The following ZBTB7C variants were observed in gnomAD, a reference collection of about 807,000 sequenced individuals.
The protein encoded by ZBTB7C is zinc finger and BTB domain containing 7C, also known as zinc finger and BTB domain-containing protein 7C.
Under a neutral mutation model 25.7 loss-of-function variants are expected in ZBTB7C, and 8 were observed. That is an observed-to-expected ratio of 0.31 (90% CI 0.18 to 0.56). The LOEUF is 0.56. Ranked by LOEUF, ZBTB7C falls within the 20% of genes least tolerant of loss-of-function variation. The pLI, the probability that ZBTB7C is intolerant of heterozygous loss-of-function variation, is 0.91. For missense variants in ZBTB7C, 824 were observed against 855.2 expected (o/e 0.96, Z 0.46); for synonymous variants, 394 against 369.0 (o/e 1.07, Z -0.78).
chr18:48,274,144 T>C (rs1300768864), intron 2 of ZBTB7C, among the ~76,000 whole-genome samples: 1 of 152,206 alleles, frequency 6.6e-6, no homozygotes, highest in Non-Finnish European at 1.5e-5. Context: ...TTATGTGTGA[T>C]GGAATTGGGC....
chr18:48,371,317 T>G (rs1380668609), intron 1 of ZBTB7C, among the ~76,000 whole-genome samples: 1 of 152,176 alleles, frequency 6.6e-6, no homozygotes, highest in Non-Finnish European at 1.5e-5. Context: ...TGGACCCTCA[T>G]GATATTTTGT....
intron 3 of ZBTB7C, among the ~76,000 whole-genome samples, chr18:48,080,609 T>G (rs1441994679): frequency 6.6e-6 from 1 of 152,220 alleles, no homozygotes; most frequent in African/African-American, 2.4e-5. Context: ...GCACTTCCCC[T>G]TCAAGCTCTG....
At chr18:48,369,826 C>T (rs1220006947) in intron 1 of ZBTB7C, among the ~76,000 whole-genome samples, 8 of 152,098 alleles carry the variant, frequency 5.3e-5, no homozygotes, top group Admixed American at 5.2e-4. Flanking sequence ...ACTCTCACAA[C>T]AATTAATAAA....
rs913290825 is a variant in ZBTB7C, at chr18:48,060,072, G to A, written c.-16-18949C>T. 8.6e-5 allele frequency among the ~76,000 whole-genome samples: 13 copies of A among 151,654 alleles called. No homozygotes were observed. The East Asian group carries it at 1.5e-3, about 18-fold the overall frequency. On this transcript the variant is annotated intron_variant, in intron 3 of 4. Transcript: ENST00000590800. ...GCAGCTCTACCATTTTTTTTCGGCC[G>A]GGTGGGTGGAGGTGACCAAAGATAC...
At chr18:48,081,030 C>T (rs1008195945) in intron 3 of ZBTB7C, among the ~76,000 whole-genome samples, 3 of 152,258 alleles carry the variant, frequency 2.0e-5, no homozygotes, top group African/African-American at 4.8e-5. Flanking sequence ...CCATACAGCT[C>T]TCCCTGCAAA....
intron 3 of ZBTB7C, among the ~76,000 whole-genome samples, chr18:48,100,139 C>G (rs956631605): frequency 6.6e-6 from 1 of 152,198 alleles, no homozygotes; most frequent in Non-Finnish European, 1.5e-5. Context: ...CCAGGTTGTT[C>G]TCATCAAGTG....
intron 2 of ZBTB7C, among the ~76,000 whole-genome samples, chr18:48,316,128 A>T (rs184540836): frequency 1.3e-4 from 20 of 151,804 alleles, no homozygotes; most frequent in African/African-American, 4.6e-4. Flanking sequence ...TTAAAAGAAC[A>T]CTCCCTTCCT....
At chr18:48,343,135 C>T (rs2046644370) in intron 1 of ZBTB7C, among the ~76,000 whole-genome samples, 1 of 152,108 alleles carries the variant, frequency 6.6e-6, no homozygotes. Flanking sequence ...TGCTTGAGCT[C>T]TCTGGGCCTC....
At chr18:48,271,704 G>A (rs2044491384) in intron 2 of ZBTB7C, among the ~76,000 whole-genome samples, 1 of 151,728 alleles carries the variant, frequency 6.6e-6, no homozygotes, top group African/African-American at 2.4e-5. Flanking sequence ...CACATTATCA[G>A]ATTAAGAAGA....
intron 2 of ZBTB7C, among the ~76,000 whole-genome samples, chr18:48,302,741 T>A (rs910665406): frequency 2.0e-5 from 3 of 152,156 alleles, no homozygotes; most frequent in African/African-American, 7.2e-5. Flanking sequence ...CCAAAAACCA[T>A]AGTCCATAGT....
chr18:48,316,908 G>A (rs1009175712), intron 2 of ZBTB7C, among the ~76,000 whole-genome samples: 1 of 152,222 alleles, frequency 6.6e-6, no homozygotes, highest in South Asian at 2.1e-4. Flanking sequence ...ATGGGGATAT[G>A]TGTATCCATC....
intron 3 of ZBTB7C, among the ~76,000 whole-genome samples, chr18:48,049,129 T>C (rs1398796394): frequency 1.3e-5 from 2 of 152,200 alleles, no homozygotes; most frequent in Non-Finnish European, 2.9e-5. Context: ...ACCTCTTGCA[T>C]AAATAGGTTA....
intron 2 of ZBTB7C, among the ~76,000 whole-genome samples, chr18:48,266,851 TG>T: frequency 6.6e-6 from 1 of 152,322 alleles, no homozygotes; most frequent in South Asian, 2.1e-4. Context: ...TAGGTTTACA[TG>T]TATTTATGAG....
chr18:48,149,074 T>TTA (rs2040585536), intron 3 of ZBTB7C: 1 of 152,302 alleles, frequency 6.6e-6, no homozygotes. Flanking sequence ...TGCTGCTTAT[T>TTA]TAACCAGGAG....
Position 48,310,122 on chromosome 18 carries a change from C to T in ZBTB7C, c.-79+28052G>A, listed in dbSNP as rs1036137244. On this transcript the variant is annotated intron_variant, in intron 2 of 4. Coordinates refer to ENST00000590800, the MANE Select transcript of ZBTB7C (RefSeq NM_001318841.2). Reference sequence around the variant, plus strand: ...GCAGGTGCCTGTAGTCCCAGCTACTCGGGAGGCTGAGGCAGGAGAATGGCG... The same window carrying T: ...GCAGGTGCCTGTAGTCCCAGCTACTTGGGAGGCTGAGGCAGGAGAATGGCG... 2.4e-4 allele frequency among the ~76,000 whole-genome samples: 37 copies of T among 151,618 alleles called. 1 individual carries two copies. The highest frequency in any genetic ancestry group is 7.7e-4 in the African/African-American group (32 of 41,322).
At chr18:48,056,460 C>G (rs1414672256) in intron 3 of ZBTB7C, among the ~76,000 whole-genome samples, 1 of 152,076 alleles carries the variant, frequency 6.6e-6, no homozygotes, top group Non-Finnish European at 1.5e-5. Flanking sequence ...GGGGGACCAG[C>G]CCTACCAGAT....
chr18:48,088,862 T>G (rs1449643353), intron 3 of ZBTB7C, among the ~76,000 whole-genome samples: 10 of 151,216 alleles, frequency 6.6e-5, no homozygotes, highest in African/African-American at 2.4e-4. Context: ...AAGAAGGAAA[T>G]TATGGGTGTG....
chr18:48,363,307 G>A (rs1396668116), intron 1 of ZBTB7C, among the ~76,000 whole-genome samples: 1 of 152,142 alleles, frequency 6.6e-6, no homozygotes, highest in Non-Finnish European at 1.5e-5. Flanking sequence ...CACTATCTAG[G>A]AGGAAGCCAG....
chr18:48,338,107 G>C (rs1397313207), intron 2 of ZBTB7C, 67 bp downstream of exon 2: 1 of 152,120 alleles, frequency 6.6e-6, no homozygotes. Context: ...TATGCTTACT[G>C]CAAGCTGATA....
Sources: allele counts gnomAD v4.1 joint callset (sites outside exome capture counted in the v4.1 genomes callset), GRCh38; gene constraint gnomAD v4.1.1; transcripts MANE v1.5; gene names NCBI Gene and HGNC (gene_info 2026-07-23, HGNC 2026-07-21).